The following CLSTN1 variants were observed in gnomAD, a reference collection of about 807,000 sequenced individuals.
The protein encoded by CLSTN1 is calsyntenin-1.
CLSTN1 carries 28 observed loss-of-function variants against 108.3 expected under a neutral mutation model. The ratio of observed to expected loss-of-function variants is 0.26; its 90% CI spans 0.19 to 0.35. The LOEUF is 0.35. CLSTN1 is among the 10% of genes least tolerant of loss of function. CLSTN1 has a pLI of 1.00. For synonymous variants in CLSTN1, 524 were observed against 534.9 expected (o/e 0.98, Z 0.28); for missense variants, 1,157 against 1,302.6 (o/e 0.89, Z 1.72).
intron 1 of CLSTN1, among the ~76,000 whole-genome samples, chr1:9,797,957 G>A (rs1223166994): frequency 6.6e-6 from 1 of 151,888 alleles, no homozygotes; most frequent in Non-Finnish European, 1.5e-5. Flanking sequence ...AGCCAGGCGT[G>A]GGGGTACATG....
At chr1:9,787,623 C>T (rs533464307) in intron 1 of CLSTN1, among the ~76,000 whole-genome samples, 4 of 151,086 alleles carry the variant, frequency 2.6e-5, no homozygotes, top group Admixed American at 6.7e-5. Context: ...AGGATGGTCT[C>T]GATCTCCTGA....
chr1:9,765,124 C>T (rs1023856210), intron 2 of CLSTN1, among the ~76,000 whole-genome samples: 1 of 152,102 alleles, frequency 6.6e-6, no homozygotes, highest in Non-Finnish European at 1.5e-5. Flanking sequence ...GGCGCAGTGG[C>T]TCAGGCCTGT....
At chr1:9,750,518 C>G (rs991772429) in intron 5 of CLSTN1, among the ~76,000 whole-genome samples, 1 of 152,024 alleles carries the variant, frequency 6.6e-6, no homozygotes, top group African/African-American at 2.4e-5. Context: ...TCACTGCAAC[C>G]TCTGCCTCCT....
rs143791514 is a variant in CLSTN1 at position 9,780,590 on chromosome 1, C to G, written c.92-7196G>C. ...AGAATGAGATCTGGCCAGTTCCAAACACTGAACTTTTAAATATTTAATGAG... is the reference window on the plus strand; with the variant it reads ...AGAATGAGATCTGGCCAGTTCCAAAGACTGAACTTTTAAATATTTAATGAG... On this transcript the variant is annotated intron_variant, in intron 1 of 18. Transcript: ENST00000377298. Among the ~76,000 whole-genome samples, 662 of 152,292 alleles carry G rather than the reference C, an allele frequency of 4.3e-3. 12 individuals are homozygous for G. The highest frequency in any genetic ancestry group is 0.043 in the East Asian group (223 of 5,182).
chr1:9,807,917 T>C (rs1570518474), intron 1 of CLSTN1, among the ~76,000 whole-genome samples: 1 of 152,204 alleles, frequency 6.6e-6, no homozygotes, highest in Non-Finnish European at 1.5e-5. Context: ...ACAACCCTTC[T>C]CTGGTACCTC....
At position 9,751,605 on chromosome 1, in the gene CLSTN1, C is replaced by A. The variant is rs763373857; in HGVS notation, c.517G>T (p.Val173Phe). 1.9e-5 allele frequency: 30 copies of A among 1,614,070 alleles called. No homozygotes were observed. The African/African-American group carries it at 2.7e-4, about 14-fold the overall frequency. The change falls in exon 5 of 19, where the codon GTC becomes TTC. Residue 173 changes from valine to phenylalanine, a missense_variant. Coordinates refer to ENST00000377298, the MANE Select transcript of CLSTN1 (RefSeq NM_001009566.3). ...VFKEKSYKAT[V>F]IEGKQYDSIL... ...CTGTCGTACTGCTTCCCCTCGATGACCGTGGCTTTGTAGGACTTCTCCTTG... is the reference window on the plus strand; with the variant it reads ...CTGTCGTACTGCTTCCCCTCGATGAACGTGGCTTTGTAGGACTTCTCCTTG...
chr1:9,820,118 C>T (rs1655136045), intron 1 of CLSTN1, among the ~76,000 whole-genome samples: 1 of 151,860 alleles, frequency 6.6e-6, no homozygotes, highest in Admixed American at 6.6e-5. Flanking sequence ...AAACAATCTG[C>T]CTGCCTAGTT....
At position 9,809,182 on chromosome 1, in the gene CLSTN1, T is replaced by C. The variant is rs552611563; in HGVS notation, c.91+14461A>G. 2.0e-5 allele frequency among the ~76,000 whole-genome samples: 3 copies of C among 152,300 alleles called. No homozygotes were observed. The East Asian group carries it at 5.8e-4, about 29-fold the overall frequency. On this transcript the variant is annotated intron_variant, in intron 1 of 18. Transcript: ENST00000377298. ...GCTGTCACTGTCCGCTGGCCACAGA[T>C]GCCTCCCAGAGCCCTCCCTGAGAAG...
chr1:9,808,723 C>G (rs532485024), intron 1 of CLSTN1, among the ~76,000 whole-genome samples: 18 of 152,244 alleles, frequency 1.2e-4, no homozygotes, highest in Middle Eastern at 6.8e-3. Flanking sequence ...AGGCCTCAAT[C>G]TGACCAGAAC....
In CLSTN1 at chr1:9,736,005, A is replaced by G. The variant is rs779737675; in HGVS notation, c.1614T>C (p.Asn538=). 2 of 1,614,134 alleles carry G rather than the reference A, an allele frequency of 1.2e-6. No individual in the cohort carries two copies. Among genetic ancestry groups the G allele is most frequent in the South Asian group, 1.1e-5 (1 of 91,080 alleles). Residue 538 remains asparagine (N), a synonymous_variant, in exon 12 of 19, where the codon AAT becomes AAC. Transcript: ENST00000377298. ...CGGAACGGAGAGTTAAGCCAGCCAG[A>G]TTGCCTCGGAAAAACTGGGTCATGT... ...DLHMTQFFRG[N]LAGLTLRSGK... is the part of the protein sequence containing the mutation.
chr1:9,768,143 T>C (rs1485643682), intron 2 of CLSTN1, among the ~76,000 whole-genome samples: 1 of 152,170 alleles, frequency 6.6e-6, no homozygotes, highest in Admixed American at 6.5e-5. Context: ...AGGGTCTCTG[T>C]TCCTGACCTC....
At position 9,734,589 on chromosome 1, in the gene CLSTN1, A is replaced by AAAAG. The variant is rs1491477453; in HGVS notation, c.2110+358_2110+359insCTTT. Among the ~76,000 whole-genome samples, 1 of 149,126 alleles carries AAAAG rather than the reference A, an allele frequency of 6.7e-6. No individual in the cohort carries two copies. The highest frequency in any genetic ancestry group is 2.1e-4 in the South Asian group (1 of 4,702). ...GACTCCATCTCAAAAAAAAAAAAAA[A>AAAAG]GGGGGGGAGTTTCATGTGTCCTGAG... On this transcript the variant is annotated intron_variant, in intron 14 of 18. Transcript: ENST00000377298. This position sits in a 1 kb window ranked among gnomAD's most constrained non-coding sequence, Gnocchi z 4.8.
intron 2 of CLSTN1, among the ~76,000 whole-genome samples, chr1:9,759,229 C>T (rs1266395779): frequency 6.6e-6 from 1 of 152,204 alleles, no homozygotes; most frequent in Non-Finnish European, 1.5e-5. Context: ...AATAGTACTT[C>T]ATAACATGAG....
chr1:9,823,971 CG>C (rs1399024032), upstream of CLSTN1: 2 of 150,750 alleles, frequency 1.3e-5, no homozygotes, highest in Non-Finnish European at 2.9e-5. The surrounding 1 kb of genome is among the most constrained non-coding windows in gnomAD (Gnocchi z 6.3). Context: ...AAGATGGCGG[CG>C]GCGCTCTCTC....
At chr1:9,801,852 G>A (rs868842096) in intron 1 of CLSTN1, among the ~76,000 whole-genome samples, 3 of 152,008 alleles carry the variant, frequency 2.0e-5, no homozygotes, top group Non-Finnish European at 2.9e-5. Flanking sequence ...CACCACGCCC[G>A]GCCTCGGCCA....
At chr1:9,812,848 C>CAAAAA (rs1266998113) in intron 1 of CLSTN1, among the ~76,000 whole-genome samples, 7 of 86,210 alleles carry the variant, frequency 8.1e-5, no homozygotes, top group East Asian at 7.3e-4. Context: ...AACTCTATCT[C>CAAAAA]AAAAAAAAAA....
intron 17 of CLSTN1, 86 bp downstream of exon 17, chr1:9,731,675 T>G (rs1419544029): frequency 9.6e-6 from 13 of 1,354,336 alleles, no homozygotes; most frequent in Non-Finnish European, 1.2e-5. Flanking sequence ...GCGGTCATGC[T>G]GAGCAGGAGG....
At chr1:9,745,291 T>TTATACCA (rs998215875) in intron 7 of CLSTN1, among the ~76,000 whole-genome samples, 2 of 150,498 alleles carry the variant, frequency 1.3e-5, no homozygotes, top group Admixed American at 1.3e-4. Context: ...CTGATTCAAA[T>TTATACCA]TATACCATTT....
intron 1 of CLSTN1, among the ~76,000 whole-genome samples, chr1:9,808,393 A>G (rs1371076581): frequency 6.6e-6 from 1 of 152,180 alleles, no homozygotes; most frequent in East Asian, 1.9e-4. Context: ...CACTTGTTAT[A>G]GGTTAAATAT....
Sources: allele counts gnomAD v4.1 joint callset (sites outside exome capture counted in the v4.1 genomes callset), GRCh38; gene constraint gnomAD v4.1.1; non-coding constraint Gnocchi (gnomAD v3.1); transcripts MANE v1.5; gene names NCBI Gene and HGNC (gene_info 2026-07-23, HGNC 2026-07-21).